SMYD3: variants seen among roughly 807,000 people sequenced by gnomAD.
SMYD3 encodes the protein histone-lysine N-methyltransferase SMYD3.
SMYD3 carries 36 observed loss-of-function variants against 57.7 expected under a neutral mutation model. That is an observed-to-expected ratio of 0.62 (90% CI 0.48 to 0.82). The LOEUF (loss-of-function observed/expected upper bound fraction) is 0.82, where lower values mean the gene tolerates loss of function less well. Among genes scored for constraint, SMYD3 ranks in the 40% least tolerant of loss-of-function variants. The pLI is 0.00. For missense variants in SMYD3, 515 were observed against 538.8 expected (o/e 0.96, Z 0.44); for synonymous variants, 211 against 195.0 (o/e 1.08, Z -0.68).
At chr1:246,431,478 C>G (rs2067295757) in intron 1 of SMYD3, among the ~76,000 whole-genome samples, 1 of 152,138 alleles carries the variant, frequency 6.6e-6, no homozygotes, top group African/African-American at 2.4e-5. Flanking sequence ...ACCTGTAGTC[C>G]CAGCACTTTG....
intron 5 of SMYD3, among the ~76,000 whole-genome samples, chr1:246,148,032 A>G (rs966204213): frequency 6.6e-6 from 1 of 151,626 alleles, no homozygotes; most frequent in African/African-American, 2.4e-5. Context: ...AGCAGGAGGC[A>G]GAGAGATTCC....
intron 2 of SMYD3, among the ~76,000 whole-genome samples, chr1:246,336,191 T>C (rs2065541453): frequency 6.6e-6 from 1 of 152,166 alleles, no homozygotes; most frequent in Non-Finnish European, 1.5e-5. Flanking sequence ...GTTGCCAATG[T>C]ACAGATGAAT....
At chr1:245,856,889 C>T (rs1166937499) in intron 10 of SMYD3, among the ~76,000 whole-genome samples, 3 of 152,196 alleles carry the variant, frequency 2.0e-5, no homozygotes, top group Non-Finnish European at 2.9e-5. Context: ...TCCACTCACC[C>T]AGAGGCTGTT....
At chr1:246,300,507 G>A (rs2064875838) in intron 5 of SMYD3, among the ~76,000 whole-genome samples, 2 of 152,152 alleles carry the variant, frequency 1.3e-5, no homozygotes, top group South Asian at 4.1e-4. Flanking sequence ...TTACCTGAAT[G>A]AGAATGCTAT....
chr1:245,917,943 T>C (rs187809053), intron 7 of SMYD3, among the ~76,000 whole-genome samples: 7 of 152,320 alleles, frequency 4.6e-5, no homozygotes, highest in Non-Finnish European at 8.8e-5. Context: ...TCTTACTTGT[T>C]TGAAATCATA....
At chr1:246,013,093 T>C (rs1007931832) in intron 5 of SMYD3, among the ~76,000 whole-genome samples, 2 of 152,232 alleles carry the variant, frequency 1.3e-5, no homozygotes, top group African/African-American at 4.8e-5. Flanking sequence ...AGGGTTTTTG[T>C]GTGAGCTTTA....
At chr1:246,084,705 T>G (rs1016024178) in intron 5 of SMYD3, among the ~76,000 whole-genome samples, 1 of 152,204 alleles carries the variant, frequency 6.6e-6, no homozygotes, top group Non-Finnish European at 1.5e-5. Flanking sequence ...TTTGATATCT[T>G]AAAGTTTTGG....
At chr1:246,247,444 ACTCTCTCTCTCTCTCTCTCT>A (rs143476169) in intron 5 of SMYD3, among the ~76,000 whole-genome samples, 17,700 of 142,658 alleles carry the variant, frequency 0.12, 1,468 homozygotes, top group East Asian at 0.36. Flanking sequence ...GAGAAGGATA[ACTCTCTCTCTCTCTCTCTCT>A]CTATATATAT....
intron 8 of SMYD3, 140 bp downstream of exon 8, chr1:245,915,390 C>A (rs938133738): frequency 6.0e-6 from 3 of 502,692 alleles, no homozygotes; most frequent in African/African-American, 3.9e-5. Flanking sequence ...ATATGCAGTT[C>A]AATGAGTTAT....
At chr1:246,477,915 T>C (rs918862859) in intron 1 of SMYD3, among the ~76,000 whole-genome samples, 5 of 152,240 alleles carry the variant, frequency 3.3e-5, no homozygotes, top group Admixed American at 1.3e-4. Flanking sequence ...CTACTGGTAC[T>C]AAGACAACCA....
chr1:246,060,715 T>A (rs1053266454), intron 5 of SMYD3, among the ~76,000 whole-genome samples: 13 of 152,190 alleles, frequency 8.5e-5, no homozygotes, highest in African/African-American at 3.1e-4. Context: ...ATGTCTGGCA[T>A]AATCACTCAG....
intron 1 of SMYD3, among the ~76,000 whole-genome samples, chr1:246,401,023 C>T (rs938122696): frequency 5.9e-5 from 9 of 152,196 alleles, no homozygotes; most frequent in Admixed American, 2.0e-4. Flanking sequence ...GAACACTATA[C>T]TAACTTTTTA....
intron 1 of SMYD3, among the ~76,000 whole-genome samples, chr1:246,492,005 A>G (rs1472143239): frequency 1.3e-5 from 2 of 152,216 alleles, no homozygotes; most frequent in East Asian, 3.9e-4. Context: ...TGGTGGCAGT[A>G]GGAATAGAAG....
At chr1:246,049,662 G>A (rs893869301) in intron 5 of SMYD3, among the ~76,000 whole-genome samples, 4 of 152,112 alleles carry the variant, frequency 2.6e-5, no homozygotes, top group Non-Finnish European at 4.4e-5. Flanking sequence ...CGTCAACTGC[G>A]CTGTGCCAGT....
intron 10 of SMYD3, among the ~76,000 whole-genome samples, chr1:245,817,293 A>G (rs373982145): frequency 0.033 from 4,439 of 133,612 alleles, 117 homozygotes; most frequent in Admixed American, 0.081. Context: ...GCACACTGAC[A>G]CCTCACATGG....
At chr1:246,011,949 A>G (rs2059289521) in intron 5 of SMYD3, among the ~76,000 whole-genome samples, 1 of 152,154 alleles carries the variant, frequency 6.6e-6, no homozygotes, top group Non-Finnish European at 1.5e-5. Context: ...CACTGATACC[A>G]GCTACCAATT....
At chr1:245,896,354 T>C (rs566023665) in intron 8 of SMYD3, among the ~76,000 whole-genome samples, 1 of 16,640 alleles carries the variant, frequency 6.0e-5, no homozygotes, top group South Asian at 1.4e-3. Context: ...ACAGGTAAAA[T>C]ATAAAAACAG....
chr1:245,914,564 A>G (rs2055256063), intron 8 of SMYD3, among the ~76,000 whole-genome samples: 2 of 152,226 alleles, frequency 1.3e-5, no homozygotes, highest in South Asian at 2.1e-4. Flanking sequence ...TGGGAATTAA[A>G]AAAAATGGAT....
intron 7 of SMYD3, among the ~76,000 whole-genome samples, chr1:245,918,279 T>C (rs2055592551): frequency 6.6e-6 from 1 of 152,228 alleles, no homozygotes; most frequent in South Asian, 2.1e-4. Flanking sequence ...GGCAAAGGTC[T>C]TGGGTTCAGG....
Sources: gnomAD v4.1 joint callset for allele counts (sites outside exome capture counted in the v4.1 genomes callset) on GRCh38, gnomAD v4.1.1 for gene constraint, MANE v1.5 for transcripts, NCBI Gene and HGNC (gene_info 2026-07-23, HGNC 2026-07-21) for gene names.